Variants in PCDHA2 observed in about 807,000 individuals in gnomAD.
The protein encoded by PCDHA2 is protocadherin alpha-2.
Under a neutral mutation model 66.0 loss-of-function variants are expected in PCDHA2, and 58 were observed. That is an observed-to-expected ratio of 0.88 (90% CI 0.71 to 1.09). The LOEUF is 1.09. Among genes scored for constraint, PCDHA2 ranks in the 50% least tolerant of loss-of-function variants. PCDHA2 has a pLI of 0.00. For synonymous variants in PCDHA2, 634 were observed against 554.0 expected (o/e 1.14, Z -2.03); for missense variants, 1,267 against 1,242.3 (o/e 1.02, Z -0.30).
At chr5:140,858,247 G>A in intron 1 of PCDHA2, 2 of 1,596,540 alleles carry the variant, frequency 1.3e-6, no homozygotes, top group East Asian at 4.5e-5. Flanking sequence ...GTGGGCCGGT[G>A]AAGCCCACGC....
intron 1 of PCDHA2, among the ~76,000 whole-genome samples, chr5:140,915,642 C>CTCTG (rs1236956905): frequency 1.3e-5 from 2 of 152,012 alleles, no homozygotes; most frequent in African/African-American, 2.4e-5. Context: ...CTCTCTCTCT[C>CTCTG]TCTCTCTCTC....
chr5:140,806,783 T>G (rs59312872), intron 1 of PCDHA2: 8,433 of 197,180 alleles, frequency 0.043, 735 homozygotes, highest in African/African-American at 0.19. Flanking sequence ...AAACCTGTGT[T>G]GAAAAAATTA....
chr5:140,799,156 T>C (rs1762398182), intron 1 of PCDHA2, among the ~76,000 whole-genome samples: 1 of 152,128 alleles, frequency 6.6e-6, no homozygotes, highest in African/African-American at 2.4e-5. Context: ...ATCTAGGTGG[T>C]AGTAGAAATT....
At chr5:140,841,052 T>A (rs114871325) in intron 1 of PCDHA2, 33 of 431,510 alleles carry the variant, frequency 7.6e-5, no homozygotes, top group Middle Eastern at 1.2e-3. Context: ...GGATTTACTA[T>A]TAAATTATGA....
At chr5:140,940,499 G>T (rs190058542) in intron 1 of PCDHA2, among the ~76,000 whole-genome samples, 3 of 151,756 alleles carry the variant, frequency 2.0e-5, no homozygotes, top group Non-Finnish European at 4.4e-5. Flanking sequence ...GTCTTGCTCC[G>T]TCGCTCAGGC....
intron 1 of PCDHA2, chr5:140,829,463 C>G (rs1245659020): frequency 6.2e-7 from 1 of 1,613,756 alleles, no homozygotes; most frequent in Non-Finnish European, 8.5e-7. Context: ...GTTCGCGCAG[C>G]CCGAGTACAC....
chr5:140,884,273 C>T (rs1554181411), intron 1 of PCDHA2: 2 of 1,613,468 alleles, frequency 1.2e-6, no homozygotes, highest in Admixed American at 3.3e-5. Context: ...GCTGTTGTCG[C>T]TGGTGGAGAG....
chr5:140,858,503 T>C, intron 1 of PCDHA2: 1 of 1,458,120 alleles, frequency 6.9e-7, no homozygotes. Flanking sequence ...CCGCATTTTC[T>C]CAAATATGTA....
At chr5:140,822,230 C>T (rs1767239116) in intron 1 of PCDHA2, 2 of 1,614,084 alleles carry the variant, frequency 1.2e-6, no homozygotes, top group Non-Finnish European at 8.5e-7. Flanking sequence ...TCGCGGTTTC[C>T]GCTAGAGGGC....
chr5:140,914,185 C>G (rs1183431482), intron 1 of PCDHA2, among the ~76,000 whole-genome samples: 1 of 152,130 alleles, frequency 6.6e-6, no homozygotes, highest in Non-Finnish European at 1.5e-5. Flanking sequence ...AATTCTCCAC[C>G]TATTATTGTA....
intron 1 of PCDHA2, among the ~76,000 whole-genome samples, chr5:140,838,073 ATATAGTGTGTGTGT>A (rs1473657984): frequency 0.018 from 2,264 of 126,808 alleles, 40 homozygotes; most frequent in Admixed American, 0.045. Context: ...AGTTATATAT[ATATAGTGTGTGTGT>A]GTGTGTGTGT....
intron 1 of PCDHA2, chr5:140,966,615 G>C (rs1423136904): frequency 3.9e-6 from 3 of 773,600 alleles, no homozygotes; most frequent in Non-Finnish European, 5.6e-6. Flanking sequence ...GAGGGCCTAC[G>C]GAGGGAGCGG....
At chr5:140,924,060 A>G (rs2081653054) in intron 1 of PCDHA2, among the ~76,000 whole-genome samples, 1 of 152,250 alleles carries the variant, frequency 6.6e-6, no homozygotes, top group African/African-American at 2.4e-5. Context: ...ACATCTTTAC[A>G]GTTGTATTTC....
intron 1 of PCDHA2, chr5:140,824,194 C>T (rs1389599382): frequency 3.7e-6 from 6 of 1,601,264 alleles, no homozygotes; most frequent in Non-Finnish European, 5.1e-6. Context: ...TCACATTCAC[C>T]CACTTTTTTT....
In PCDHA2 at chr5:140,843,124, G is replaced by C. The variant is rs200664126; in HGVS notation, c.2388+45772G>C. 20 of 1,595,754 alleles carry C rather than the reference G, an allele frequency of 1.3e-5. 2 individuals are homozygous for C. Among genetic ancestry groups the C allele is most frequent in the South Asian group, 7.7e-5 (7 of 90,518 alleles). On this transcript the variant is annotated intron_variant, in intron 1 of 3. Transcript: ENST00000526136. ...AGGTGCGCGCAGTGGACGCCGACTC[G>C]GGCTACAACGCGTGGCTTTCGTATG...
intron 1 of PCDHA2, among the ~76,000 whole-genome samples, chr5:140,949,914 C>T (rs941651578): frequency 1.3e-5 from 2 of 151,190 alleles, no homozygotes; most frequent in African/African-American, 4.8e-5. Context: ...TTAGATATAA[C>T]TATTTTTAGA....
At chr5:140,835,476 C>T in intron 1 of PCDHA2, 3 of 1,613,922 alleles carry the variant, frequency 1.9e-6, no homozygotes, top group Non-Finnish European at 2.5e-6. Flanking sequence ...GGACGCCCAA[C>T]CAGGTACCGT....
chr5:140,953,564 GC>G (rs543933826), intron 1 of PCDHA2, among the ~76,000 whole-genome samples: 356 of 152,176 alleles, frequency 2.3e-3, no homozygotes, highest in African/African-American at 7.9e-3. Context: ...AAGTTTTAGT[GC>G]CCTCCTCTCC....
intron 3 of PCDHA2, among the ~76,000 whole-genome samples, chr5:141,003,650 A>G (rs2098132767): frequency 6.6e-6 from 1 of 152,170 alleles, no homozygotes; most frequent in Admixed American, 6.5e-5. Flanking sequence ...GAAGATCTGT[A>G]TGCATTTATT....
Sources: gnomAD v4.1 joint callset for allele counts (sites outside exome capture counted in the v4.1 genomes callset) on GRCh38, gnomAD v4.1.1 for gene constraint, MANE v1.5 for transcripts, NCBI Gene and HGNC (gene_info 2026-07-23, HGNC 2026-07-21) for gene names.